RGS12: variants seen among roughly 807,000 people sequenced by gnomAD.
RGS12 encodes the protein regulator of G protein signaling 12.
A neutral mutation model predicts 120.1 loss-of-function variants in RGS12; 66 were observed. The ratio of observed to expected loss-of-function variants is 0.55; its 90% confidence interval spans 0.45 to 0.67. The LOEUF (loss-of-function observed/expected upper bound fraction) is 0.67. Among genes scored for constraint, RGS12 ranks in the 30% least tolerant of loss-of-function variants. The pLI is 0.00. For missense variants in RGS12, 1,859 were observed against 1,957.7 expected, an observed-to-expected ratio of 0.95 and a Z score of 0.95; for synonymous variants, 827 against 804.7, an observed-to-expected ratio of 1.03 and a Z score of -0.47.
At chr4:3,348,725 G>A (rs1465832696) in intron 3 of RGS12, among the ~76,000 whole-genome samples, 1 of 152,138 alleles carries the variant, frequency 6.6e-6, no homozygotes, top group Admixed American at 6.5e-5. Context: ...AGTTAAAACT[G>A]GAGAAAAAAG....
rs1719272924 is a variant in RGS12, at chr4:3,389,773, C to T, written c.2020+3336C>T. Among the ~76,000 whole-genome samples the T allele has an allele frequency of 2.0e-5, 3 of 152,220 alleles. No homozygotes were observed. The highest frequency in any genetic ancestry group is 2.0e-4 in the Admixed American group (3 of 15,288). On this transcript the variant is annotated intron_variant, in intron 4 of 17. Coordinates refer to ENST00000336727, the MANE Select transcript of RGS12 (RefSeq NM_001394154.1). This position sits in a 1 kb window ranked among gnomAD's most constrained non-coding sequence, Gnocchi z 5.2. ...AGGAAAGCCGGGGAACTGTGCGGCT[C>T]TGGCTTTGGGGGACGGTGGCAGGTC... is the stretch of plus-strand genomic sequence containing the variant.
At chr4:3,312,236 A>C (rs1428738250) in intron 1 of RGS12, among the ~76,000 whole-genome samples, 1 of 152,222 alleles carries the variant, frequency 6.6e-6, no homozygotes, top group Non-Finnish European at 1.5e-5. Context: ...TAATTGATAC[A>C]GTTTTAAAAA....
At chr4:3,307,157 C>T (rs1162170136) in intron 1 of RGS12, among the ~76,000 whole-genome samples, 2 of 152,204 alleles carry the variant, frequency 1.3e-5, no homozygotes, top group East Asian at 1.9e-4. Flanking sequence ...GATGTGTTGC[C>T]GCTGGCTGCT....
intron 3 of RGS12, among the ~76,000 whole-genome samples, chr4:3,349,241 T>C (rs1377855966): frequency 2.6e-5 from 4 of 152,232 alleles, no homozygotes; most frequent in Admixed American, 1.3e-4. Context: ...TAAATTTATC[T>C]TTCACAGACT....
intron 3 of RGS12, among the ~76,000 whole-genome samples, chr4:3,377,940 A>G (rs1212596946): frequency 6.6e-6 from 1 of 152,220 alleles, no homozygotes; most frequent in East Asian, 1.9e-4. Flanking sequence ...TAATTACGGT[A>G]TATGTTTAAA....
intron 1 of RGS12, among the ~76,000 whole-genome samples, chr4:3,300,689 G>A (rs541065637): frequency 2.0e-5 from 3 of 152,206 alleles, no homozygotes; most frequent in Admixed American, 6.5e-5. Flanking sequence ...GGCATTGCTA[G>A]GCTTGTGTTT....
Position 3,317,922 on chromosome 4 carries a change from C to T in RGS12, c.1752C>T (p.Tyr584=). The T allele has an allele frequency of 6.2e-7, 1 of 1,614,194 alleles. No individual in the cohort carries two copies. The highest frequency in any genetic ancestry group is 8.5e-7 in the Non-Finnish European group (1 of 1,180,042). Residue 584 remains tyrosine (Y), a synonymous_variant, in exon 2 of 18, where the codon TAC becomes TAT. Transcript: ENST00000336727. ...TGAGCAAGATCCCCGCAGACCGCTA[C>T]AGGGTGGAGGGCAGCTTCGCGCAGC... ...PPMSKIPADR[Y]RVEGSFAQPP...
chr4:3,309,023 C>G lies in RGS12; in HGVS notation c.-101-7047C>G, dbSNP rs1465877614. Among the ~76,000 whole-genome samples the G allele has an allele frequency of 1.3e-4, 19 of 149,946 alleles. No homozygotes were observed. The South Asian group carries it at 4.0e-3, about 31-fold the overall frequency. ...GAACCGGGCAGGGGAGGAGCTGGGA[C>G]CTGGGAATGGCAGGTGTCCTCTGAG... On this transcript the variant is annotated intron_variant, in intron 1 of 17. Transcript: ENST00000336727.
chr4:3,377,994 T>C (rs1370494935), intron 3 of RGS12, among the ~76,000 whole-genome samples: 1 of 152,234 alleles, frequency 6.6e-6, no homozygotes, highest in Non-Finnish European at 1.5e-5. Context: ...TCTTTTTCCA[T>C]GGGTGGCTTT....
intron 3 of RGS12, chr4:3,378,371 A>G (rs926135467): frequency 1.3e-5 from 2 of 152,204 alleles, no homozygotes; most frequent in Admixed American, 6.5e-5. Flanking sequence ...TTTTTTGGAC[A>G]TGACACTAAA....
At chr4:3,347,468 C>G (rs1578786368) in intron 3 of RGS12, among the ~76,000 whole-genome samples, 1 of 152,112 alleles carries the variant, frequency 6.6e-6, no homozygotes, top group Admixed American at 6.5e-5. Context: ...AGAAAACATC[C>G]TTAGATCTGG....
At chr4:3,322,708 G>A (rs1299639096) in intron 2 of RGS12, among the ~76,000 whole-genome samples, 1 of 152,146 alleles carries the variant, frequency 6.6e-6, no homozygotes, top group Non-Finnish European at 1.5e-5. Context: ...ATATGTAAAG[G>A]ATTGATTGGT....
At chr4:3,346,497 A>T (rs1348229079) in intron 3 of RGS12, among the ~76,000 whole-genome samples, 1 of 152,046 alleles carries the variant, frequency 6.6e-6, no homozygotes, top group East Asian at 1.9e-4. Context: ...TGGTTTGGTG[A>T]ACTCTTGGTG....
At chr4:3,370,380 G>A in intron 3 of RGS12, 1 of 1,531,354 alleles carries the variant, frequency 6.5e-7, no homozygotes, top group Non-Finnish European at 9.0e-7. Flanking sequence ...GTGGCACCCT[G>A]GCTATCCTGT....
chr4:3,424,020 A>G (rs558571930), intron 13 of RGS12, among the ~76,000 whole-genome samples: 1 of 152,362 alleles, frequency 6.6e-6, no homozygotes, highest in Admixed American at 6.5e-5. Context: ...CATTGTGCTC[A>G]TGCCCCCAGT....
rs1376116728 is a variant in RGS12 at position 3,374,531 on chromosome 4, C to T, written c.1999-11885C>T. 6.6e-6 allele frequency among the ~76,000 whole-genome samples: 1 copy of T among 152,134 alleles called. No homozygotes were observed. The highest frequency in any genetic ancestry group is 2.4e-5 in the African/African-American group (1 of 41,424). Reference sequence around the variant, plus strand: ...CTCCTCGGACATCCAGGAGGCCCCTCAGACTTAAGTACCAAACAAGACTTG... The same window carrying T: ...CTCCTCGGACATCCAGGAGGCCCCTTAGACTTAAGTACCAAACAAGACTTG... On this transcript the variant is annotated intron_variant, in intron 3 of 17. Coordinates refer to ENST00000336727, the MANE Select transcript of RGS12 (RefSeq NM_001394154.1). The surrounding 1 kb of genome is among the most constrained non-coding windows in gnomAD (Gnocchi z 6.3).
intron 3 of RGS12, among the ~76,000 whole-genome samples, chr4:3,345,985 G>C (rs1713747888): frequency 6.6e-6 from 1 of 151,980 alleles, no homozygotes; most frequent in South Asian, 2.1e-4. Flanking sequence ...TTGAATTCCT[G>C]GGCTCAATCT....
intron 2 of RGS12, among the ~76,000 whole-genome samples, chr4:3,329,362 ACT>A (rs1711572834): frequency 1.3e-5 from 2 of 152,090 alleles, no homozygotes; most frequent in Non-Finnish European, 2.9e-5. Context: ...GCAAGGGATG[ACT>A]CTGAGTGGCA....
intron 2 of RGS12, chr4:3,342,372 T>C (rs752602016): frequency 1.6e-6 from 2 of 1,216,366 alleles, no homozygotes; most frequent in Non-Finnish European, 2.1e-6. Flanking sequence ...GAATTAATTC[T>C]GGTCATTTCC....
Sources: gnomAD v4.1 joint callset for allele counts (sites outside exome capture counted in the v4.1 genomes callset) on GRCh38, gnomAD v4.1.1 for gene constraint, Gnocchi (gnomAD v3.1) non-coding constraint, MANE v1.5 for transcripts, NCBI Gene and HGNC (gene_info 2026-07-23, HGNC 2026-07-21) for gene names.